Variants in STRBP observed in about 807,000 individuals in gnomAD.
The protein encoded by STRBP is spermatid perinuclear RNA binding protein.
In STRBP, 13 loss-of-function variants were observed where a neutral mutation model predicts 80.1. The observed-to-expected ratio is 0.16, with a 90% CI of 0.11 to 0.26. The LOEUF is 0.26. STRBP is among the 10% of genes least tolerant of loss of function. The pLI, the probability that STRBP is intolerant of heterozygous loss-of-function variation, is 1.00. For synonymous variants in STRBP, 284 were observed against 291.2 expected, an observed-to-expected ratio of 0.98 and a Z score of 0.25; for missense variants, 485 against 815.2, an observed-to-expected ratio of 0.59 and a Z score of 4.93.
At chr9:123,195,314 A>C (rs1303800256) in intron 2 of STRBP, among the ~76,000 whole-genome samples, 1 of 152,114 alleles carries the variant, frequency 6.6e-6, no homozygotes, top group Non-Finnish European at 1.5e-5. Context: ...ACCTTACAAC[A>C]CTATCTAAAA....
intron 6 of STRBP, among the ~76,000 whole-genome samples, chr9:123,163,104 A>C (rs925243869): frequency 6.6e-5 from 10 of 152,328 alleles, no homozygotes; most frequent in South Asian, 2.1e-4. Flanking sequence ...GACAAGCTAA[A>C]TTTTATTCCA....
Position 123,123,980 on chromosome 9 carries a change from G to A in STRBP, c.*1617C>T, listed in dbSNP as rs1049362107. On this transcript the variant is annotated 3_prime_UTR_variant, in exon 19 of 19. Coordinates refer to ENST00000348403, the MANE Select transcript of STRBP (RefSeq NM_018387.5). ...GTTACAGCTATTTCCAGCAAGTGAT[G>A]AGGTTTTATTAAAGTATCACCCACC... 2 of 985,272 alleles carry A rather than the reference G, an allele frequency of 2.0e-6. No individual in the cohort carries two copies. The highest frequency in any genetic ancestry group is 2.4e-6 in the Non-Finnish European group (2 of 829,932). 61.0% of individuals were successfully genotyped at this position (985,272 alleles called of 1,614,324 possible).
At chr9:123,142,722 A>G (rs555954158) in intron 13 of STRBP, among the ~76,000 whole-genome samples, 9 of 152,138 alleles carry the variant, frequency 5.9e-5, no homozygotes, top group South Asian at 2.1e-4. Context: ...CCCTATTGCA[A>G]TAATAGTTCC....
intron 2 of STRBP, among the ~76,000 whole-genome samples, chr9:123,187,066 T>A (rs1194232318): frequency 6.6e-6 from 1 of 152,068 alleles, no homozygotes; most frequent in Non-Finnish European, 1.5e-5. Context: ...AGACTTTTCA[T>A]ATATTAACTC....
At chr9:123,173,598 G>A (rs2038100561) in intron 5 of STRBP, 79 bp downstream of exon 5, 1 of 1,453,020 alleles carries the variant, frequency 6.9e-7, no homozygotes, top group African/African-American at 1.4e-5. Flanking sequence ...TAGCAATTCT[G>A]GTTAATAATT....
At chr9:123,248,092 T>C (rs2040835151) in intron 1 of STRBP, among the ~76,000 whole-genome samples, 2 of 152,098 alleles carry the variant, frequency 1.3e-5, no homozygotes, top group South Asian at 4.2e-4. Context: ...ACTCTGTGTA[T>C]GTATATATTT....
At chr9:123,156,173 A>T (rs1412805353) in intron 11 of STRBP, among the ~76,000 whole-genome samples, 2 of 152,248 alleles carry the variant, frequency 1.3e-5, no homozygotes, top group East Asian at 3.9e-4. Context: ...GAATTTGGTG[A>T]TTGAAATAAA....
chr9:123,153,161 T>C (rs2037132125), intron 11 of STRBP, among the ~76,000 whole-genome samples: 2 of 151,054 alleles, frequency 1.3e-5, no homozygotes, highest in African/African-American at 4.9e-5. Context: ...GATAAGGATG[T>C]CAGCAGCGAA....
chr9:123,210,422 A>AG (rs2039667269), intron 2 of STRBP, among the ~76,000 whole-genome samples: 1 of 152,088 alleles, frequency 6.6e-6, no homozygotes, highest in Non-Finnish European at 1.5e-5. Context: ...CCAAAAGAAA[A>AG]GAAAAAAAAA....
At chr9:123,125,799 C>A (rs1297948180) in intron 18 of STRBP, 126 bp from the exon 19 acceptor site, 1 of 620,564 alleles carries the variant, frequency 1.6e-6, no homozygotes, top group Non-Finnish European at 2.6e-6. Context: ...AACATGTATA[C>A]CATTTTGCAA....
chr9:123,196,834 T>A (rs923572862), intron 2 of STRBP, among the ~76,000 whole-genome samples: 28 of 152,302 alleles, frequency 1.8e-4, no homozygotes, highest in Non-Finnish European at 2.8e-4. Context: ...TGAAGGTTCC[T>A]CAAAAAACTA....
At chr9:123,200,940 A>C (rs937222438) in intron 2 of STRBP, among the ~76,000 whole-genome samples, 1 of 150,238 alleles carries the variant, frequency 6.7e-6, no homozygotes, top group Non-Finnish European at 1.5e-5. Flanking sequence ...TCAAGGTTTT[A>C]TTTCTTCCTG....
intron 2 of STRBP, among the ~76,000 whole-genome samples, chr9:123,203,343 C>T (rs927605392): frequency 6.7e-6 from 1 of 148,822 alleles, no homozygotes; most frequent in Non-Finnish European, 1.5e-5. Flanking sequence ...AAGATCCCAT[C>T]CCTAAAAAAG....
chr9:123,187,987 C>G (rs773732898), intron 2 of STRBP, among the ~76,000 whole-genome samples: 1 of 151,916 alleles, frequency 6.6e-6, no homozygotes, highest in African/African-American at 2.4e-5. Flanking sequence ...AGTTTAACAC[C>G]CCTGAAAATC....
downstream of STRBP, among the ~76,000 whole-genome samples, chr9:123,119,639 G>T (rs1259595754): frequency 6.6e-6 from 1 of 152,046 alleles, no homozygotes; most frequent in Non-Finnish European, 1.5e-5. Flanking sequence ...CCCTGAGCAG[G>T]CCATGCACCT....
intron 1 of STRBP, among the ~76,000 whole-genome samples, chr9:123,260,178 G>A (rs1407751731): frequency 6.6e-5 from 10 of 152,184 alleles, no homozygotes; most frequent in Non-Finnish European, 1.3e-4. Context: ...GTAGACAGGG[G>A]AATAATGATG....
At chr9:123,219,717 C>T (rs2132551994) in intron 2 of STRBP, among the ~76,000 whole-genome samples, 2 of 152,310 alleles carry the variant, frequency 1.3e-5, no homozygotes, top group East Asian at 3.9e-4. Flanking sequence ...TTTAAATCCA[C>T]TATTTTCTAG....
chr9:123,264,888 G>A (rs547732102), intron 1 of STRBP, among the ~76,000 whole-genome samples: 20 of 152,142 alleles, frequency 1.3e-4, no homozygotes, highest in African/African-American at 4.8e-4. Flanking sequence ...TGAACACAAT[G>A]GACTTAAGAA....
intron 4 of STRBP, among the ~76,000 whole-genome samples, chr9:123,176,092 T>A (rs1161916828): frequency 6.6e-6 from 1 of 152,282 alleles, no homozygotes; most frequent in East Asian, 1.9e-4. Flanking sequence ...TGAGAATATA[T>A]GTTAACAAAC....
Sources: gnomAD v4.1 joint callset for allele counts (sites outside exome capture counted in the v4.1 genomes callset) on GRCh38, gnomAD v4.1.1 for gene constraint, MANE v1.5 for transcripts, NCBI Gene and HGNC (gene_info 2026-07-23, HGNC 2026-07-21) for gene names.